METAP2: variants seen among roughly 807,000 people sequenced by gnomAD.
The protein encoded by METAP2 is methionyl aminopeptidase 2, also known as methionine aminopeptidase 2.
Under a neutral mutation model 59.4 loss-of-function variants are expected in METAP2, and 25 were observed. That is an observed-to-expected ratio of 0.42 (90% CI 0.31 to 0.59). The LOEUF (loss-of-function observed/expected upper bound fraction) is 0.59, where lower values mean the gene tolerates loss of function less well. Ranked by LOEUF, METAP2 falls within the 20% of genes least tolerant of loss-of-function variation. METAP2 has a pLI of 0.16. For synonymous variants in METAP2, 214 were observed against 194.1 expected (o/e 1.10, Z -0.85); for missense variants, 366 against 581.2 (o/e 0.63, Z 3.81).
intron 4 of METAP2, among the ~76,000 whole-genome samples, chr12:95,492,132 T>TGTGTGTGTGTGTGTGTGTGTG (rs1555191428): frequency 1.3e-5 from 2 of 149,310 alleles, no homozygotes; most frequent in Non-Finnish European, 1.5e-5. Flanking sequence ...ATATGTGTGT[T>TGTGTGTGTGTGTGTGTGTGTG]TGTGTGTGTG....
In METAP2 at chr12:95,512,990, T is replaced by C. The variant is rs982479218; in HGVS notation, c.1184+74T>C. On this transcript the variant is annotated intron_variant, in intron 10 of 10. Coordinates refer to ENST00000323666, the MANE Select transcript of METAP2 (RefSeq NM_006838.4). ...GAGTTAACAGCATTTCTAAAAAATG[T>C]GGCATACATACAAAATAGTATATTC... is the stretch of plus-strand genomic sequence containing the variant. 12 of 853,588 alleles carry C rather than the reference T, an allele frequency of 1.4e-5. No individual in the cohort carries two copies. The African/African-American group carries it at 2.0e-4, about 14-fold the overall frequency. 52.9% of individuals were successfully genotyped at this position (853,588 alleles called of 1,614,324 possible).
intron 7 of METAP2, among the ~76,000 whole-genome samples, chr12:95,499,892 C>G (rs796496935): frequency 3.9e-5 from 6 of 152,206 alleles, no homozygotes; most frequent in African/African-American, 1.4e-4. Context: ...GGGGAAGTGC[C>G]AGATGTTTAT....
At chr12:95,512,320 A>AGGAGAT (rs1260373967) in intron 9 of METAP2, among the ~76,000 whole-genome samples, 137 of 152,288 alleles carry the variant, frequency 9.0e-4, no homozygotes, top group African/African-American at 3.2e-3. Flanking sequence ...AGAAAGACCA[A>AGGAGAT]AAAGTGCTAA....
Position 95,515,027 on chromosome 12 carries a change from T to G in METAP2, c.*1123T>G, listed in dbSNP as rs2076436623. 1 of 152,660 alleles carries G rather than the reference T, an allele frequency of 6.6e-6. No homozygotes were observed. Among genetic ancestry groups the G allele is most frequent in the African/African-American group, 2.4e-5 (1 of 41,460 alleles). The allele number at this position is 152,660 out of a possible 1,614,324, so 9.5% of individuals were successfully genotyped here. On this transcript the variant is annotated 3_prime_UTR_variant, in exon 11 of 11. Transcript: ENST00000323666. Reference sequence around the variant, plus strand: ...GGCCCACTACTGATTCTTTGACAAATTGAATTCTTATATTTAAATAATTTT... The same window carrying G: ...GGCCCACTACTGATTCTTTGACAAAGTGAATTCTTATATTTAAATAATTTT...
At position 95,494,284 on chromosome 12, in the gene METAP2, A is replaced by G. The variant is rs531454405; in HGVS notation, c.590+67A>G. Reference sequence around the variant, plus strand: ...TTTATTAAGTACTAACTCTCCAATTATAATGTTTGGCTTTCATTACCACTT... The same window carrying G: ...TTTATTAAGTACTAACTCTCCAATTGTAATGTTTGGCTTTCATTACCACTT... On this transcript the variant is annotated intron_variant, in intron 5 of 10. Transcript: ENST00000323666. The G allele has an allele frequency of 1.3e-5, 18 of 1,437,928 alleles. No individual in the cohort carries two copies. In the African/African-American group the frequency reaches 1.3e-4, roughly 10 times the overall value. The allele number at this position is 1,437,928 out of a possible 1,614,324, so 89.1% of individuals were successfully genotyped here. A position where few individuals can be genotyped will look rare whatever the true frequency, so the allele number is the denominator to read the frequency against.
intron 8 of METAP2, among the ~76,000 whole-genome samples, chr12:95,506,787 G>A (rs1402094544): frequency 9.2e-6 from 1 of 108,164 alleles, no homozygotes; most frequent in Non-Finnish European, 1.9e-5. Context: ...CAAGTGCAAA[G>A]CAGAATACTT....
Position 95,483,258 on chromosome 12 carries a change from AAAG to A in METAP2, c.317_319del (p.Lys106del), listed in dbSNP as rs759372911. ...ATGGAGCAACTGGAAAGAAGAAGAA[AAAG>A]AAGAAGAAGAAGAGAGGACGTTAGT... On this transcript the variant is annotated inframe_deletion, in exon 3 of 11. Transcript: ENST00000323666. The A allele has an allele frequency of 2.1e-4, 330 of 1,609,354 alleles. No individual in the cohort carries two copies. The highest frequency in any genetic ancestry group is 3.3e-4 in the Middle Eastern group (2 of 6,052).
At chr12:95,489,683 A>G (rs1295390649) in intron 4 of METAP2, among the ~76,000 whole-genome samples, 1 of 152,178 alleles carries the variant, frequency 6.6e-6, no homozygotes, top group Admixed American at 6.5e-5. Flanking sequence ...CTTATTTTGT[A>G]CAAAATTAGT....
intron 2 of METAP2, among the ~76,000 whole-genome samples, chr12:95,476,930 T>TC (rs1168301958): frequency 6.6e-6 from 1 of 152,162 alleles, no homozygotes; most frequent in African/African-American, 2.4e-5. Context: ...GACTGTCTTT[T>TC]CCTATTTATT....
chr12:95,514,166 A>G lies in METAP2; in HGVS notation c.*262A>G. The G allele has an allele frequency of 2.2e-6, 1 of 458,304 alleles. No homozygotes were observed. The highest frequency in any genetic ancestry group is 3.6e-5 in the East Asian group (1 of 27,726). The allele number at this position is 458,304 out of a possible 1,614,324, so 28.4% of individuals were successfully genotyped here. ...GCTATAAAGCTCAAATTAGTTAGGA[A>G]TGACTTATACGTTTTGTTTTGAATA... On this transcript the variant is annotated 3_prime_UTR_variant, in exon 11 of 11. Transcript: ENST00000323666.
chr12:95,504,712 C>G (rs551214780), intron 8 of METAP2, among the ~76,000 whole-genome samples: 1 of 151,934 alleles, frequency 6.6e-6, no homozygotes, highest in Non-Finnish European at 1.5e-5. Context: ...CTGTGTTGCT[C>G]AGTCTGATTT....
At chr12:95,495,533 C>G (rs1221240461) in intron 6 of METAP2, among the ~76,000 whole-genome samples, 1 of 152,042 alleles carries the variant, frequency 6.6e-6, no homozygotes, top group Non-Finnish European at 1.5e-5. Context: ...TTTCTGAATT[C>G]TCTCCAAAAC....
At chr12:95,486,045 T>C (rs920341697) in intron 4 of METAP2, 64 bp downstream of exon 4, 2 of 1,174,984 alleles carry the variant, frequency 1.7e-6, no homozygotes, top group African/African-American at 3.1e-5. Context: ...ATAAAGCAGA[T>C]TTGACATTTC....
chr12:95,502,537 A>T (rs748680592), intron 7 of METAP2, among the ~76,000 whole-genome samples: 1 of 151,142 alleles, frequency 6.6e-6, no homozygotes, highest in South Asian at 2.1e-4. Context: ...TTTGATTATC[A>T]TTTTGTGTGT....
intron 8 of METAP2, among the ~76,000 whole-genome samples, chr12:95,506,041 G>C (rs577474647): frequency 1.3e-4 from 20 of 151,704 alleles, no homozygotes; most frequent in African/African-American, 4.8e-4. Flanking sequence ...AGGTTGCAGT[G>C]AGTCAAGATT....
chr12:95,503,542 T>C (rs1325804438), intron 7 of METAP2, among the ~76,000 whole-genome samples: 5 of 152,100 alleles, frequency 3.3e-5, no homozygotes, highest in African/African-American at 4.8e-5. Context: ...TGAGGGGAGA[T>C]GCAACAACAG....
chr12:95,475,098 T>C, intron 1 of METAP2, among the ~76,000 whole-genome samples: 1 of 152,190 alleles, frequency 6.6e-6, no homozygotes, highest in East Asian at 1.9e-4. Flanking sequence ...CAGTTGGATA[T>C]TATGAACTAG....
At chr12:95,482,184 A>G (rs1286911425) in intron 2 of METAP2, 2 of 452,370 alleles carry the variant, frequency 4.4e-6, no homozygotes, top group Non-Finnish European at 8.9e-6. Context: ...ATCTCAGCTC[A>G]CTGCAGCCTT....
At position 95,506,875 on chromosome 12, in the gene METAP2, T is replaced by G. The variant is rs149098907; in HGVS notation, c.964+2714T>G. Among the ~76,000 whole-genome samples the G allele has an allele frequency of 3.1e-3, 468 of 152,064 alleles. 3 individuals carry two copies. The highest frequency in any genetic ancestry group is 4.8e-3 in the Non-Finnish European group (323 of 67,984). On this transcript the variant is annotated intron_variant, in intron 8 of 10. Coordinates refer to ENST00000323666, the MANE Select transcript of METAP2 (RefSeq NM_006838.4). ...TGTCACCCAGGCTGGAGAGCAGTGG[T>G]GCAGTCTTGGATCACTATAAGCTCA...
Sources: gnomAD v4.1 joint callset for allele counts (sites outside exome capture counted in the v4.1 genomes callset) on GRCh38, gnomAD v4.1.1 for gene constraint, MANE v1.5 for transcripts, NCBI Gene and HGNC (gene_info 2026-07-23, HGNC 2026-07-21) for gene names.